ANO4: variants seen among roughly 807,000 people sequenced by gnomAD.
ANO4 encodes the protein anoctamin 4.
A neutral mutation model predicts 141.9 loss-of-function variants in ANO4; 69 were observed. The ratio of observed to expected loss-of-function variants is 0.49; its 90% confidence interval spans 0.40 to 0.59. The LOEUF is 0.59. Ranked by LOEUF, ANO4 falls within the 20% of genes least tolerant of loss-of-function variation. ANO4 has a pLI of 0.00. For synonymous variants in ANO4, 350 were observed against 394.3 expected, an observed-to-expected ratio of 0.89 and a Z score of 1.33; for missense variants, 894 against 1,162.2, an observed-to-expected ratio of 0.77 and a Z score of 3.36.
chr12:100,977,389 A>G (rs887837430), intron 7 of ANO4, among the ~76,000 whole-genome samples: 2 of 152,118 alleles, frequency 1.3e-5, no homozygotes, highest in Admixed American at 1.3e-4. Flanking sequence ...CAGTCACCTA[A>G]TTTAAAACCT....
rs529718680 is a variant in ANO4, at chr12:100,833,517, C to T, written c.-141+38490C>T. ...GAAGATTTAAATTTAGATGTTCTAC[C>T]ATTTACTACCTCATAATTAATCTCA... On this transcript the variant is annotated intron_variant, in intron 1 of 27. Coordinates refer to ENST00000392977, the MANE Select transcript of ANO4 (RefSeq NM_001286615.2). 1.1e-4 allele frequency among the ~76,000 whole-genome samples: 16 copies of T among 152,112 alleles called. No individual in the cohort carries two copies. In the South Asian group the frequency reaches 1.7e-3, roughly 16 times the overall value.
chr12:100,932,390 T>C (rs1204454859), intron 3 of ANO4, among the ~76,000 whole-genome samples: 1 of 151,976 alleles, frequency 6.6e-6, no homozygotes, highest in Non-Finnish European at 1.5e-5. Flanking sequence ...CTTTATAGCA[T>C]TGATTCCCAA....
chr12:101,048,447 T>A (rs760440654), intron 14 of ANO4, 46 bp downstream of exon 14: 1 of 1,523,512 alleles, frequency 6.6e-7, no homozygotes, highest in East Asian at 2.3e-5. Context: ...TCATATGCCC[T>A]ATGATATATT....
intron 1 of ANO4, among the ~76,000 whole-genome samples, chr12:100,881,417 T>G (rs2039562611): frequency 6.7e-6 from 1 of 148,194 alleles, no homozygotes; most frequent in African/African-American, 2.6e-5. Context: ...ATAAAACTGT[T>G]TTTATCTTTA....
chr12:100,981,646 G>A (rs2044469443), intron 7 of ANO4, among the ~76,000 whole-genome samples: 1 of 152,166 alleles, frequency 6.6e-6, no homozygotes. Flanking sequence ...AAGTAGGCCT[G>A]CTTCATTTAA....
chr12:100,731,580 G>T (rs567433269), intron 1 of ANO4, among the ~76,000 whole-genome samples: 2 of 152,266 alleles, frequency 1.3e-5, no homozygotes, highest in South Asian at 4.1e-4. Context: ...ATAATGACTT[G>T]TATCCACCAT....
chr12:101,047,925 A>C, intron 13 of ANO4: 1 of 833,596 alleles, frequency 1.2e-6, no homozygotes, highest in Non-Finnish European at 1.4e-6. Context: ...CCATGTTTTC[A>C]AAGTGAATAA....
chr12:100,720,427 C>T (rs754259024), intron 1 of ANO4, among the ~76,000 whole-genome samples: 6 of 151,598 alleles, frequency 4.0e-5, no homozygotes, highest in Non-Finnish European at 7.4e-5. Context: ...TGCAAAGGCC[C>T]TGAGTCAGGA....
At chr12:100,754,449 G>T (rs1156930765) in intron 3 of ANO4, among the ~76,000 whole-genome samples, 2 of 145,304 alleles carry the variant, frequency 1.4e-5, no homozygotes, top group Non-Finnish European at 3.0e-5. Flanking sequence ...TGTTGTCATT[G>T]TCTAAAACAC....
chr12:101,086,201 G>T (rs1010426991), intron 16 of ANO4, among the ~76,000 whole-genome samples: 2 of 151,674 alleles, frequency 1.3e-5, no homozygotes, highest in East Asian at 3.9e-4. Flanking sequence ...TAGCCCGTTT[G>T]ATGTAATGAG....
intron 5 of ANO4, among the ~76,000 whole-genome samples, chr12:100,947,832 C>T (rs544920156): frequency 1.4e-3 from 215 of 152,236 alleles, no homozygotes; most frequent in African/African-American, 5.0e-3. Flanking sequence ...AGCATACTTG[C>T]TCTTTGCCCT....
chr12:100,846,508 G>A (rs1470100936), intron 1 of ANO4, among the ~76,000 whole-genome samples: 1 of 151,768 alleles, frequency 6.6e-6, no homozygotes, highest in East Asian at 1.9e-4. Context: ...ATGTAATTTG[G>A]GACTAAAGCA....
At chr12:101,062,326 G>A (rs1397846541) in intron 14 of ANO4, among the ~76,000 whole-genome samples, 2 of 152,214 alleles carry the variant, frequency 1.3e-5, no homozygotes, top group East Asian at 1.9e-4. Context: ...GTCGACCCCT[G>A]CTGGGAGGTG....
intron 3 of ANO4, among the ~76,000 whole-genome samples, chr12:100,926,983 G>A (rs1304349459): frequency 1.3e-5 from 2 of 152,044 alleles, no homozygotes; most frequent in Non-Finnish European, 2.9e-5. Flanking sequence ...TCTGGGAAGG[G>A]GGCAGTCTCA....
At chr12:100,737,231 C>G (rs986167036) in intron 2 of ANO4, among the ~76,000 whole-genome samples, 1 of 152,152 alleles carries the variant, frequency 6.6e-6, no homozygotes. Context: ...TTGTGAAAGG[C>G]CTTCTCCCCT....
intron 9 of ANO4, 58 bp from the exon 10 acceptor site, chr12:101,037,037 G>C: frequency 6.5e-7 from 1 of 1,529,210 alleles, no homozygotes; most frequent in Non-Finnish European, 9.1e-7. Flanking sequence ...TATTTGTTTT[G>C]AACATTGTGA....
chr12:100,888,685 A>G (rs1032787652), intron 1 of ANO4, among the ~76,000 whole-genome samples: 8 of 152,192 alleles, frequency 5.3e-5, no homozygotes, highest in Non-Finnish European at 1.0e-4. Flanking sequence ...AGGACACAGA[A>G]CAGGTGGAGA....
intron 3 of ANO4, among the ~76,000 whole-genome samples, chr12:100,923,260 A>G (rs538898338): frequency 6.6e-6 from 1 of 152,076 alleles, no homozygotes; most frequent in South Asian, 2.1e-4. Flanking sequence ...TATATTAGAT[A>G]TGTCTCCTAA....
Position 100,765,702 on chromosome 12 carries a change from A to G in ANO4, c.358+25597A>G, listed in dbSNP as rs188070545. Reference sequence around the variant, plus strand: ...TTGTTTATGTTTTCAAAAAAAAAAAAAAGAGTTCTTAGATTGATCTTTTCT... The same window carrying G: ...TTGTTTATGTTTTCAAAAAAAAAAAGAAGAGTTCTTAGATTGATCTTTTCT... On this transcript the variant is annotated intron_variant, in intron 3 of 29. Coordinates refer to the ANO4 transcript ENST00000644049. 6.8e-3 allele frequency among the ~76,000 whole-genome samples: 1,037 copies of G among 151,492 alleles called. 25 individuals are homozygous for G. The highest frequency in any genetic ancestry group is 0.052 in the Admixed American group (797 of 15,214).
Sources: gnomAD v4.1 joint callset for allele counts (sites outside exome capture counted in the v4.1 genomes callset) on GRCh38, gnomAD v4.1.1 for gene constraint, MANE v1.5 for transcripts, NCBI Gene and HGNC (gene_info 2026-07-23, HGNC 2026-07-21) for gene names.